ATP10B: variants seen among roughly 807,000 people sequenced by gnomAD.
ATP10B encodes the protein phospholipid-transporting ATPase VB.
In ATP10B, 122 loss-of-function variants were observed where a neutral mutation model predicts 141.2. That is an observed-to-expected ratio of 0.86 (90% CI 0.75 to 1.00). The LOEUF (loss-of-function observed/expected upper bound fraction) is 1.00, where lower values mean the gene tolerates loss of function less well. ATP10B is among the 50% of genes least tolerant of loss of function. The pLI is 0.00. For missense variants in ATP10B, 1,876 were observed against 1,825.3 expected, an observed-to-expected ratio of 1.03 and a Z score of -0.51; for synonymous variants, 685 against 692.0, an observed-to-expected ratio of 0.99 and a Z score of 0.16.
chr5:160,901,587 T>C, the ATP10B span, among the ~76,000 whole-genome samples: 1 of 152,034 alleles, frequency 6.6e-6, no homozygotes, highest in Non-Finnish European at 1.5e-5. Flanking sequence ...AAAAGTACCA[T>C]GAAGGGAATA....
At chr5:160,826,483 G>A (rs554526124) in intron 1 of ATP10B, among the ~76,000 whole-genome samples, 74 of 152,074 alleles carry the variant, frequency 4.9e-4, no homozygotes, top group Middle Eastern at 3.4e-3. Context: ...CGTCTCCTCC[G>A]GATCACTATA....
chr5:160,791,153 T>C (rs1474056177), intron 1 of ATP10B, among the ~76,000 whole-genome samples: 1 of 152,118 alleles, frequency 6.6e-6, no homozygotes, highest in African/African-American at 2.4e-5. Flanking sequence ...ATATAAATTT[T>C]CCCCTAGCAC....
At chr5:160,921,203 T>A in the ATP10B span, among the ~76,000 whole-genome samples, 5 of 152,056 alleles carry the variant, frequency 3.3e-5, no homozygotes, top group Non-Finnish European at 7.4e-5. Context: ...TCCTTGCATA[T>A]ACAACCATAA....
At chr5:160,806,567 A>T (rs1772784712) in intron 1 of ATP10B, among the ~76,000 whole-genome samples, 1 of 152,188 alleles carries the variant, frequency 6.6e-6, no homozygotes, top group South Asian at 2.1e-4. Flanking sequence ...AGGTCTTGGG[A>T]AGATGATCTT....
chr5:160,652,896 ATATAT>A (rs1349992637), intron 7 of ATP10B, among the ~76,000 whole-genome samples: 6 of 69,020 alleles, frequency 8.7e-5, no homozygotes, highest in South Asian at 4.5e-4. Flanking sequence ...TAATTATATA[ATATAT>A]TATATATACA....
At chr5:160,795,362 T>G (rs1771866230) in intron 1 of ATP10B, among the ~76,000 whole-genome samples, 1 of 152,174 alleles carries the variant, frequency 6.6e-6, no homozygotes, top group Non-Finnish European at 1.5e-5. Flanking sequence ...GAGAGAAGTC[T>G]TGACTCAGAT....
At chr5:160,707,636 T>C (rs1488033435) in intron 3 of ATP10B, among the ~76,000 whole-genome samples, 1 of 152,204 alleles carries the variant, frequency 6.6e-6, no homozygotes, top group Non-Finnish European at 1.5e-5. Context: ...AGACCAAAGT[T>C]GTTAATCTGT....
At chr5:160,827,273 T>C (rs1774685209) in intron 1 of ATP10B, among the ~76,000 whole-genome samples, 1 of 152,188 alleles carries the variant, frequency 6.6e-6, no homozygotes, top group Non-Finnish European at 1.5e-5. Context: ...CGTTGAAATA[T>C]TGGGGGCAGG....
At chr5:160,736,560 G>C (rs1242422287) in intron 2 of ATP10B, among the ~76,000 whole-genome samples, 1 of 152,030 alleles carries the variant, frequency 6.6e-6, no homozygotes, top group Non-Finnish European at 1.5e-5. Flanking sequence ...TCAGGAGTTC[G>C]CCCAGCCTGA....
chr5:160,910,217 A>T, the ATP10B span, among the ~76,000 whole-genome samples: 2 of 152,070 alleles, frequency 1.3e-5, no homozygotes, highest in Non-Finnish European at 2.9e-5. Context: ...TATCCTTTTC[A>T]AGATGAGACT....
At chr5:160,624,109 A>G (rs1195773701) in intron 13 of ATP10B, among the ~76,000 whole-genome samples, 1 of 152,244 alleles carries the variant, frequency 6.6e-6, no homozygotes, top group Non-Finnish European at 1.5e-5. Context: ...AAGACAGTCA[A>G]TGGCTGAAAA....
Position 160,603,965 on chromosome 5 carries a change from C to T in ATP10B, c.3237G>A (p.Gln1079=), listed in dbSNP as rs8180469. Residue 1079 remains glutamine (Q), a splice_region_variant and synonymous_variant, in exon 20 of 26, where the codon CAG becomes CAA. Transcript: ENST00000327245. ...GIGISGQEGM[Q]AVMSSDFAIT... is the part of the protein sequence containing the mutation. ...GAAGAATAGTTGCAGAGAACAATAC[C>T]TGCATGCCTTCCTGTCCAGATATTC... is the stretch of plus-strand genomic sequence containing the variant. 6.2e-7 allele frequency: 1 copy of T among 1,612,330 alleles called. No homozygotes were observed. Among genetic ancestry groups the T allele is most frequent in the South Asian group, 1.1e-5 (1 of 91,028 alleles).
At chr5:160,585,808 C>T (rs1038839960) in intron 24 of ATP10B, among the ~76,000 whole-genome samples, 20 of 152,242 alleles carry the variant, frequency 1.3e-4, no homozygotes, top group Admixed American at 2.0e-4. Context: ...TGAGCCTTCC[C>T]AGTGCCTTCT....
intron 17 of ATP10B, among the ~76,000 whole-genome samples, chr5:160,615,320 G>T (rs150556360): frequency 2.7e-3 from 403 of 151,890 alleles, no homozygotes; most frequent in Admixed American, 5.5e-3. Flanking sequence ...TCAGTTCACT[G>T]CCTTCCTAGA....
At chr5:160,792,991 G>C (rs1172433004) in intron 1 of ATP10B, among the ~76,000 whole-genome samples, 1 of 152,170 alleles carries the variant, frequency 6.6e-6, no homozygotes, top group Non-Finnish European at 1.5e-5. Flanking sequence ...AGCCAGGAGG[G>C]CTAAGGCAAC....
chr5:160,894,615 G>A, the ATP10B span, among the ~76,000 whole-genome samples: 25 of 152,276 alleles, frequency 1.6e-4, no homozygotes, highest in Admixed American at 2.6e-4. Context: ...ATGGAACCAC[G>A]TTGGAAAACA....
chr5:160,709,269 CT>C (rs1765211167), intron 3 of ATP10B, among the ~76,000 whole-genome samples: 1 of 152,146 alleles, frequency 6.6e-6, no homozygotes, highest in African/African-American at 2.4e-5. Flanking sequence ...CTATATTAAA[CT>C]TTCTGTGCCC....
intron 7 of ATP10B, among the ~76,000 whole-genome samples, chr5:160,662,522 C>G (rs564999029): frequency 0.011 from 1,723 of 152,222 alleles, 25 homozygotes; most frequent in African/African-American, 0.037. Flanking sequence ...CTTTGACAAA[C>G]CTGAGAAAAA....
chr5:160,574,253 T>G lies in ATP10B; in HGVS notation c.3751-4570A>C, dbSNP rs189095453. 2.4e-4 allele frequency among the ~76,000 whole-genome samples: 36 copies of G among 152,258 alleles called. 1 individual carries two copies. The highest frequency in any genetic ancestry group is 2.0e-3 in the Admixed American group (30 of 15,298). On this transcript the variant is annotated intron_variant, in intron 24 of 25. Transcript: ENST00000327245. ...TTCAAGACAAGCCTGGGAAACATGA[T>G]GAAACCTTGTCTCTACTACAAATAC...
Sources: gnomAD v4.1 joint callset for allele counts (sites outside exome capture counted in the v4.1 genomes callset) on GRCh38, gnomAD v4.1.1 for gene constraint, MANE v1.5 for transcripts, NCBI Gene and HGNC (gene_info 2026-07-23, HGNC 2026-07-21) for gene names.